JPT2: variants seen among roughly 807,000 people sequenced by gnomAD.
JPT2 encodes the protein CRAMP_1 like.
Under a neutral mutation model 15.9 loss-of-function variants are expected in JPT2, and 9 were observed. The ratio of observed to expected loss-of-function variants is 0.57; its 90% CI spans 0.34 to 0.99. The LOEUF (loss-of-function observed/expected upper bound fraction) is 0.99. Among genes scored for constraint, JPT2 ranks in the 50% least tolerant of loss-of-function variants. JPT2 has a pLI of 0.02. For synonymous variants in JPT2, 95 were observed against 91.7 expected (o/e 1.04, Z -0.21); for missense variants, 267 against 252.1 (o/e 1.06, Z -0.40).
chr16:1,685,647 TTC>T (rs2037059263), intron 2 of JPT2, 60 bp downstream of exon 2: 3 of 1,539,540 alleles, frequency 1.9e-6, no homozygotes, highest in African/African-American at 1.4e-5. Flanking sequence ...TGAAAATATT[TTC>T]TGTTTCTTTA....
Position 1,678,327 on chromosome 16 carries a change from G to C in JPT2, c.15G>C (p.Pro5=), listed in dbSNP as rs1243560726. MFQV[P]DSEGGRAGSR... ...CGGCGGTCGACATGTTCCAGGTCCCGGATAGCGAGGGCGGCCGCGCCGGCT... is the reference window on the plus strand; with the variant it reads ...CGGCGGTCGACATGTTCCAGGTCCCCGATAGCGAGGGCGGCCGCGCCGGCT... Residue 5 remains proline, a synonymous_variant, in exon 1 of 5, where the codon CCG becomes CCC. Coordinates refer to ENST00000248098, the MANE Select transcript of JPT2 (RefSeq NM_144570.3). 2.4e-6 allele frequency: 3 copies of C among 1,236,800 alleles called. No homozygotes were observed. The South Asian group carries it at 1.2e-4, about 50-fold the overall frequency. The allele number at this position is 1,236,800 out of a possible 1,614,324, so 76.6% of individuals were successfully genotyped here.
chr16:1,683,377 C>G, intron 1 of JPT2: 1 of 638,708 alleles, frequency 1.6e-6, no homozygotes, highest in Non-Finnish European at 2.7e-6. Flanking sequence ...TCCCAAGGTG[C>G]TGGGATTACA....
chr16:1,687,937 G>C (rs777516060), intron 2 of JPT2, among the ~76,000 whole-genome samples: 4 of 152,194 alleles, frequency 2.6e-5, no homozygotes, highest in African/African-American at 4.8e-5. Context: ...CAGAGGCCGA[G>C]AGTGTGTGTG....
Position 1,699,139 on chromosome 16 carries a change from G to A in JPT2, c.*141G>A, listed in dbSNP as rs574456426. On this transcript the variant is annotated 3_prime_UTR_variant, in exon 5 of 5. Transcript: ENST00000248098. ...CCTGGCTGCTCAGCGTCTCCTGGCC[G>A]TCATGACAGCTGCTTGGAGACCCGT... The A allele has an allele frequency of 1.5e-5, 13 of 877,878 alleles. No individual in the cohort carries two copies. Among genetic ancestry groups the A allele is most frequent in the East Asian group, 5.2e-5 (2 of 38,662 alleles). The allele number at this position is 877,878 out of a possible 1,614,324, so 54.4% of individuals were successfully genotyped here.
chr16:1,693,541 C>T (rs986556532), intron 3 of JPT2, among the ~76,000 whole-genome samples: 19 of 152,142 alleles, frequency 1.2e-4, no homozygotes, highest in Non-Finnish European at 2.6e-4. Flanking sequence ...TAGCCGGACA[C>T]GAGAGCAAGG....
At position 1,698,293 on chromosome 16, in the gene JPT2, C is replaced by T. The variant is rs1046593988; in HGVS notation, c.385+433C>T. Among the ~76,000 whole-genome samples, 3 of 152,240 alleles carry T rather than the reference C, an allele frequency of 2.0e-5. No individual in the cohort carries two copies. Among genetic ancestry groups the T allele is most frequent in the African/African-American group, 4.8e-5 (2 of 41,472 alleles). ...TCAGGTTGAGCGGCAGACTTCGACT[C>T]TCCCCACGGCTCTTTAGCCTGACCA... On this transcript the variant is annotated intron_variant, in intron 4 of 4. Transcript: ENST00000248098. This position sits in a 1 kb window ranked among gnomAD's most constrained non-coding sequence, Gnocchi z 4.9.
At chr16:1,695,049 C>A (rs377167207) in intron 3 of JPT2, among the ~76,000 whole-genome samples, 1 of 152,166 alleles carries the variant, frequency 6.6e-6, no homozygotes, top group African/African-American at 2.4e-5. Flanking sequence ...ATCACTTGAG[C>A]CCAGGAGTTC....
rs538449312 is a variant in JPT2, at chr16:1,696,550, G to A, written c.337-1262G>A. 5.9e-5 allele frequency among the ~76,000 whole-genome samples: 9 copies of A among 151,518 alleles called. No homozygotes were observed. The East Asian group carries it at 9.7e-4, about 16-fold the overall frequency. ...AAAAAAAAAAGTGAAAAGATAACTC[G>A]CAGAATGGGAGGAAATATTTGCAAA... On this transcript the variant is annotated intron_variant, in intron 3 of 4. Coordinates refer to ENST00000248098, the MANE Select transcript of JPT2 (RefSeq NM_144570.3).
At chr16:1,685,219 T>G (rs1259034211) in intron 1 of JPT2, among the ~76,000 whole-genome samples, 2 of 151,792 alleles carry the variant, frequency 1.3e-5, no homozygotes, top group East Asian at 3.9e-4. Context: ...TCCCAGCTAC[T>G]CAGGAGGCTG....
intron 2 of JPT2, among the ~76,000 whole-genome samples, chr16:1,687,280 C>G (rs1357384489): frequency 6.6e-6 from 1 of 152,186 alleles, no homozygotes; most frequent in African/African-American, 2.4e-5. Context: ...CACCCTTGTG[C>G]CCGGCCGAAG....
Position 1,685,557 on chromosome 16 carries a change from C to G in JPT2, c.163C>G (p.Gln55Glu). ...SNIFGPTEEP[Q>E]NIPKRTNPPG... is the part of the protein sequence containing the mutation. ...TATTTTTGGACCAACAGAAGAACCT[C>G]AGAACATACCCAAGAGGACAAATCC... Residue 55 changes from glutamine (Q) to glutamate (E), a missense_variant, in exon 2 of 5, where the codon CAG (glutamine) becomes GAG (glutamate). Transcript: ENST00000248098. 6.2e-7 allele frequency: 1 copy of G among 1,614,156 alleles called. No homozygotes were observed. The highest frequency in any genetic ancestry group is 8.5e-7 in the Non-Finnish European group (1 of 1,180,034).
intron 1 of JPT2, among the ~76,000 whole-genome samples, chr16:1,685,179 T>A (rs951446241): frequency 6.6e-6 from 1 of 151,662 alleles, no homozygotes; most frequent in Admixed American, 6.6e-5. Flanking sequence ...ATACAAAAAA[T>A]TAGCCAGCTG....
rs1474560202 is a variant in JPT2 at position 1,678,660 on chromosome 16, G to C, written c.44+304G>C. ...TGGAGGGCGGGCTGCGCTCCCTCGCGCCTGGGCGCCCGCGTTCCGTGTGGT... is the reference window on the plus strand; with the variant it reads ...TGGAGGGCGGGCTGCGCTCCCTCGCCCCTGGGCGCCCGCGTTCCGTGTGGT... On this transcript the variant is annotated intron_variant, in intron 1 of 4. Transcript: ENST00000248098. Among the ~76,000 whole-genome samples the C allele has an allele frequency of 3.9e-5, 6 of 152,276 alleles. No homozygotes were observed. In the East Asian group the frequency reaches 1.2e-3, roughly 29 times the overall value.
chr16:1,701,886 C>T lies in JPT2; in HGVS notation c.*2888C>T, dbSNP rs1189970723. 3.4e-6 allele frequency: 1 copy of T among 292,186 alleles called. No homozygotes were observed. Among genetic ancestry groups the T allele is most frequent in the South Asian group, 3.1e-5 (1 of 32,742 alleles). 18.1% of individuals were successfully genotyped at this position (292,186 alleles called of 1,614,324 possible). ...ACCCTGTCTATACAAAAAAAAACTT[C>T]TCTAAATTAGCCGGATGTGGTGGTG... On this transcript the variant is annotated 3_prime_UTR_variant, in exon 5 of 5. Transcript: ENST00000248098.
rs145739886 is a variant in JPT2, at chr16:1,681,396, T to C, written c.44+3040T>C. 6.0e-4 allele frequency among the ~76,000 whole-genome samples: 91 copies of C among 152,358 alleles called. 1 individual carries two copies. In the East Asian group the frequency reaches 0.015, roughly 26 times the overall value. ...CTAAAACCGTCTTTGGTACCACTTT[T>C]TTTTCTTTGCTTGTTTTCAAATAAA... On this transcript the variant is annotated intron_variant, in intron 1 of 4. Transcript: ENST00000248098.
intron 1 of JPT2, 155 bp from the exon 2 acceptor site, chr16:1,685,284 C>T (rs779725648): frequency 3.0e-5 from 22 of 727,072 alleles, no homozygotes; most frequent in African/African-American, 7.2e-5. Context: ...GCCAAAATCA[C>T]GTCACTGCGC....
chr16:1,699,258 AG>A lies in JPT2; in HGVS notation c.*266del. 2.3e-6 allele frequency: 1 copy of A among 434,406 alleles called. No homozygotes were observed. Among genetic ancestry groups the A allele is most frequent in the South Asian group, 1.6e-5 (1 of 62,484 alleles). 26.9% of individuals were successfully genotyped at this position (434,406 alleles called of 1,614,324 possible). A position where few individuals can be genotyped will look rare whatever the true frequency, so the allele number is the denominator to read the frequency against. On this transcript the variant is annotated 3_prime_UTR_variant, in exon 5 of 5. Coordinates refer to ENST00000248098, the MANE Select transcript of JPT2 (RefSeq NM_144570.3). ...TAGTCCAGGTTTGAGAGGAACTGGA[AG>A]GGGGGTGAGGGTGGGGAGGTGGGGC... is the stretch of plus-strand genomic sequence containing the variant.
At chr16:1,684,569 C>T (rs770648028) in intron 1 of JPT2, among the ~76,000 whole-genome samples, 2 of 151,998 alleles carry the variant, frequency 1.3e-5, no homozygotes, top group Non-Finnish European at 2.9e-5. Context: ...GGCGAAACCC[C>T]GTCTCTACTA....
rs1383514133 is a variant in JPT2 at position 1,698,740 on chromosome 16, T to C, written c.386-71T>C. The C allele has an allele frequency of 2.0e-6, 3 of 1,473,492 alleles. No individual in the cohort carries two copies. The African/African-American group carries it at 4.2e-5, about 21-fold the overall frequency. The allele number at this position is 1,473,492 out of a possible 1,614,324, so 91.3% of individuals were successfully genotyped here. On this transcript the variant is annotated intron_variant, in intron 4 of 4. Coordinates refer to ENST00000248098, the MANE Select transcript of JPT2 (RefSeq NM_144570.3). The surrounding 1 kb of genome is among the most constrained non-coding windows in gnomAD (Gnocchi z 4.9). Reference sequence around the variant, plus strand: ...AGGTTGCTCTATGACACACTTTTTATTTCCACAGCCTGCCTGTCAGGGTCA... The same window carrying C: ...AGGTTGCTCTATGACACACTTTTTACTTCCACAGCCTGCCTGTCAGGGTCA...
Sources: allele counts gnomAD v4.1 joint callset (sites outside exome capture counted in the v4.1 genomes callset), GRCh38; gene constraint gnomAD v4.1.1; non-coding constraint Gnocchi (gnomAD v3.1); transcripts MANE v1.5; gene names NCBI Gene and HGNC (gene_info 2026-07-23, HGNC 2026-07-21).